The following YES1 variants were observed in gnomAD, a reference collection of about 807,000 sequenced individuals.
YES1 encodes YES proto-oncogene 1, Src family tyrosine kinase.
Under a neutral mutation model 70.4 loss-of-function variants are expected in YES1, and 39 were observed. The ratio of observed to expected loss-of-function variants is 0.55; its 90% CI spans 0.43 to 0.72. The LOEUF (loss-of-function observed/expected upper bound fraction) is 0.72. Among genes scored for constraint, YES1 ranks in the 30% least tolerant of loss-of-function variants. YES1 has a pLI of 0.00. For synonymous variants in YES1, 198 were observed against 218.6 expected (o/e 0.91, Z 0.83); for missense variants, 495 against 644.8 (o/e 0.77, Z 2.52).
intron 1 of YES1, among the ~76,000 whole-genome samples, chr18:810,186 A>T (rs1907303218): frequency 6.6e-6 from 1 of 152,234 alleles, no homozygotes; most frequent in African/African-American, 2.4e-5. Flanking sequence ...GTCTAACATG[A>T]TGCAAATTTC....
chr18:732,647 T>C (rs1425513740), intron 11 of YES1, among the ~76,000 whole-genome samples, 187 bp downstream of exon 11: 2 of 152,052 alleles, frequency 1.3e-5, no homozygotes, highest in African/African-American at 4.8e-5. Context: ...TGGCTTTCAC[T>C]GACTTACCCG....
At chr18:782,176 T>C (rs1359585760) in intron 1 of YES1, among the ~76,000 whole-genome samples, 2 of 152,224 alleles carry the variant, frequency 1.3e-5, no homozygotes, top group Admixed American at 1.3e-4. Context: ...ATCTTTCATC[T>C]TTGCTACTAT....
intron 1 of YES1, among the ~76,000 whole-genome samples, chr18:762,236 C>T (rs1013013269): frequency 6.6e-6 from 1 of 152,240 alleles, no homozygotes; most frequent in African/African-American, 2.4e-5. Flanking sequence ...AGGAGAATCG[C>T]TTGAACCCAG....
chr18:748,621 T>G (rs1431989920), intron 3 of YES1, among the ~76,000 whole-genome samples: 2 of 152,220 alleles, frequency 1.3e-5, no homozygotes, highest in Non-Finnish European at 2.9e-5. Context: ...GCACCTTATA[T>G]AAATGAAAAT....
At chr18:753,534 T>C (rs908818991) in intron 2 of YES1, among the ~76,000 whole-genome samples, 4 of 152,202 alleles carry the variant, frequency 2.6e-5, no homozygotes, top group Non-Finnish European at 5.9e-5. Flanking sequence ...TTGCCCAGGC[T>C]AGAGTGCAGT....
intron 2 of YES1, among the ~76,000 whole-genome samples, chr18:755,616 G>C (rs1163684310): frequency 2.0e-5 from 3 of 152,152 alleles, no homozygotes; most frequent in Non-Finnish European, 2.9e-5. Context: ...GTCTATGCTT[G>C]TAGTGGGGAT....
intron 1 of YES1, among the ~76,000 whole-genome samples, chr18:781,001 G>C (rs563823851): frequency 4.4e-4 from 67 of 152,260 alleles, no homozygotes; most frequent in African/African-American, 1.4e-3. Flanking sequence ...AGGGGCGGTG[G>C]CTCACGCCTT....
At chr18:775,138 T>C (rs1405187310) in intron 1 of YES1, 2 of 152,116 alleles carry the variant, frequency 1.3e-5, no homozygotes, top group Admixed American at 6.5e-5. Context: ...GTAAACCTCA[T>C]AGAGTTGTGA....
At chr18:752,868 C>T (rs571465431) in intron 2 of YES1, among the ~76,000 whole-genome samples, 98 of 152,100 alleles carry the variant, frequency 6.4e-4, no homozygotes, top group African/African-American at 2.2e-3. Flanking sequence ...GCTTGAAACC[C>T]GGAAGTGGAG....
intron 1 of YES1, among the ~76,000 whole-genome samples, chr18:769,905 G>GT (rs1905079290): frequency 6.6e-6 from 1 of 151,214 alleles, no homozygotes; most frequent in African/African-American, 2.4e-5. Context: ...TTTGCTTTTG[G>GT]TATCAGGATG....
intron 1 of YES1, among the ~76,000 whole-genome samples, chr18:783,088 A>T (rs560017791): frequency 6.6e-6 from 1 of 152,246 alleles, no homozygotes; most frequent in South Asian, 2.1e-4. Flanking sequence ...GAATATTTTT[A>T]AAAATTATAT....
intron 2 of YES1, among the ~76,000 whole-genome samples, chr18:752,884 C>T (rs1170739918): frequency 6.6e-6 from 1 of 152,010 alleles, no homozygotes; most frequent in Non-Finnish European, 1.5e-5. Flanking sequence ...TGGAGGTTGC[C>T]ATGAGCCGAG....
intron 1 of YES1, among the ~76,000 whole-genome samples, chr18:789,410 C>T (rs1906125980): frequency 6.6e-6 from 1 of 151,942 alleles, no homozygotes; most frequent in Non-Finnish European, 1.5e-5. Flanking sequence ...AGGGAGAATC[C>T]TGTCTCTACA....
At chr18:777,963 A>G (rs1158836408) in intron 1 of YES1, among the ~76,000 whole-genome samples, 2 of 152,198 alleles carry the variant, frequency 1.3e-5, no homozygotes, top group Non-Finnish European at 2.9e-5. Context: ...GTACACACAC[A>G]TTATGTTGTA....
At chr18:803,333 G>C (rs1906921251) in intron 1 of YES1, among the ~76,000 whole-genome samples, 1 of 152,130 alleles carries the variant, frequency 6.6e-6, no homozygotes, top group Non-Finnish European at 1.5e-5. Context: ...GCATATAAAA[G>C]TATGGCATAG....
At chr18:779,504 T>TA (rs957231218) in intron 1 of YES1, among the ~76,000 whole-genome samples, 16 of 152,164 alleles carry the variant, frequency 1.1e-4, no homozygotes, top group African/African-American at 2.9e-4. Context: ...TCAAGATTTT[T>TA]AAAAAATGTA....
At chr18:755,242 G>A (rs546472498) in intron 2 of YES1, among the ~76,000 whole-genome samples, 4 of 151,548 alleles carry the variant, frequency 2.6e-5, no homozygotes, top group African/African-American at 9.7e-5. Flanking sequence ...GCAGTCCTCT[G>A]GCCATTGCCT....
At chr18:782,764 G>A (rs573539985) in intron 1 of YES1, among the ~76,000 whole-genome samples, 2 of 152,146 alleles carry the variant, frequency 1.3e-5, no homozygotes, top group East Asian at 3.9e-4. Flanking sequence ...GCACAATCTC[G>A]GCTCACTGCA....
At chr18:778,501 TA>T (rs1326402264) in intron 1 of YES1, among the ~76,000 whole-genome samples, 1 of 152,232 alleles carries the variant, frequency 6.6e-6, no homozygotes, top group Non-Finnish European at 1.5e-5. Flanking sequence ...CTTAAAAAAT[TA>T]AATGTACATT....
Sources: allele counts gnomAD v4.1 joint callset (sites outside exome capture counted in the v4.1 genomes callset), GRCh38; gene constraint gnomAD v4.1.1; transcripts MANE v1.5; gene names NCBI Gene and HGNC (gene_info 2026-07-23, HGNC 2026-07-21).